The following SV2C variants were observed in gnomAD, a reference collection of about 807,000 sequenced individuals.
SV2C encodes the protein solute carrier family 22 member B3.
A neutral mutation model predicts 79.7 loss-of-function variants in SV2C; 49 were observed. That is an observed-to-expected ratio of 0.61 (90% CI 0.49 to 0.78). The LOEUF (loss-of-function observed/expected upper bound fraction) is 0.78. SV2C is among the 30% of genes least tolerant of loss of function. The pLI, the probability that SV2C is intolerant of heterozygous loss-of-function variation, is 0.00. For missense variants in SV2C, 833 were observed against 912.9 expected (o/e 0.91, Z 1.13); for synonymous variants, 334 against 333.2 (o/e 1.00, Z -0.03).
chr5:75,849,873 AGTATG>A, the SV2C span, among the ~76,000 whole-genome samples: 1 of 152,168 alleles, frequency 6.6e-6, no homozygotes, highest in Non-Finnish European at 1.5e-5. Context: ...TTTAGGACAT[AGTATG>A]CCTTTCCTCT....
intron 12 of SV2C, among the ~76,000 whole-genome samples, chr5:76,308,684 A>T (rs1748296757): frequency 6.6e-6 from 1 of 152,184 alleles, no homozygotes; most frequent in African/African-American, 2.4e-5. Context: ...TCTGAGATCT[A>T]TGGAGCAGAA....
At chr5:76,271,758 C>T (rs966200408) in intron 4 of SV2C, among the ~76,000 whole-genome samples, 18 of 151,898 alleles carry the variant, frequency 1.2e-4, no homozygotes, top group Admixed American at 5.9e-4. Flanking sequence ...TGAGCCATCG[C>T]GCCCGGCGTA....
chr5:76,280,284 GCA>G (rs907128050), intron 4 of SV2C, among the ~76,000 whole-genome samples: 3 of 151,848 alleles, frequency 2.0e-5, no homozygotes, highest in African/African-American at 7.3e-5. Flanking sequence ...ACACACATAT[GCA>G]CACACACACT....
intron 1 of SV2C, among the ~76,000 whole-genome samples, 160 bp from the exon 2 acceptor site, chr5:76,131,490 G>T (rs1748886645): frequency 6.7e-6 from 1 of 149,658 alleles, no homozygotes; most frequent in South Asian, 2.1e-4. Flanking sequence ...GCAGCCTAGG[G>T]TGTACATGTA....
chr5:76,027,410 T>G, the SV2C span, among the ~76,000 whole-genome samples: 1 of 152,086 alleles, frequency 6.6e-6, no homozygotes, highest in Non-Finnish European at 1.5e-5. Flanking sequence ...TTATTTTATA[T>G]CTTGTCCATT....
At chr5:75,974,268 C>T in the SV2C span, among the ~76,000 whole-genome samples, 4 of 151,984 alleles carry the variant, frequency 2.6e-5, no homozygotes. Context: ...ATGGAACCAT[C>T]GAATCTACCT....
intron 2 of SV2C, among the ~76,000 whole-genome samples, chr5:76,146,738 C>A (rs1010829351): frequency 8.1e-6 from 1 of 123,596 alleles, no homozygotes; most frequent in African/African-American, 3.1e-5. Context: ...ATGTCTCTGA[C>A]ATGGGGGCTA....
chr5:76,332,462 A>C lies in SV2C; in HGVS notation c.*6915A>C, dbSNP rs954176675. 3.3e-5 allele frequency: 5 copies of C among 152,212 alleles called. No homozygotes were observed. Among genetic ancestry groups the C allele is most frequent in the Admixed American group, 1.3e-4 (2 of 15,284 alleles). 9.4% of individuals were successfully genotyped at this position (152,212 alleles called of 1,614,324 possible). Reference sequence around the variant, plus strand: ...TCAGTTGAGAAACATAGCTATTACTAAAAAATTAAATAAGATTAGATAAAT... The same window carrying C: ...TCAGTTGAGAAACATAGCTATTACTCAAAAATTAAATAAGATTAGATAAAT... On this transcript the variant is annotated 3_prime_UTR_variant, in exon 13 of 13. Coordinates refer to ENST00000502798, the MANE Select transcript of SV2C (RefSeq NM_014979.4).
intron 4 of SV2C, among the ~76,000 whole-genome samples, chr5:76,260,132 A>C (rs1001381723): frequency 2.6e-5 from 4 of 152,162 alleles, no homozygotes; most frequent in Admixed American, 2.6e-4. Flanking sequence ...AATGATCGCC[A>C]TTCTAACTGG....
intron 12 of SV2C, among the ~76,000 whole-genome samples, chr5:76,324,949 G>C (rs144688822): frequency 0.027 from 4,075 of 152,238 alleles, 180 homozygotes; most frequent in African/African-American, 0.093. Flanking sequence ...CTTGAGCCCA[G>C]GAGTTTGAGG....
chr5:76,084,184 C>G (rs1013086891), intron 1 of SV2C: 6 of 152,372 alleles, frequency 3.9e-5, no homozygotes, highest in Non-Finnish European at 5.9e-5. Context: ...GCCTGCACTT[C>G]CTACGTTACA....
intron 4 of SV2C, chr5:76,280,943 C>G (rs1475754753): frequency 1.3e-5 from 7 of 533,194 alleles, no homozygotes; most frequent in Non-Finnish European, 2.7e-5. Context: ...AGGGTCTGAG[C>G]CTGCCAGGAT....
At chr5:76,264,829 A>G (rs527624946) in intron 4 of SV2C, among the ~76,000 whole-genome samples, 5 of 152,312 alleles carry the variant, frequency 3.3e-5, no homozygotes, top group Non-Finnish European at 7.3e-5. Context: ...AACGGGCACC[A>G]GCCTGATGCC....
intron 2 of SV2C, among the ~76,000 whole-genome samples, chr5:76,190,584 G>A (rs1744069510): frequency 6.6e-6 from 1 of 152,138 alleles, no homozygotes; most frequent in Non-Finnish European, 1.5e-5. Context: ...CTAAAATTGG[G>A]CAATGCAGAA....
In SV2C at chr5:76,130,145, TAAAAAAAAAAAAAAAAAAA is replaced by T. The variant is rs375351450; in HGVS notation, c.-101-1488_-101-1470del. 6.6e-4 allele frequency among the ~76,000 whole-genome samples: 45 copies of T among 67,836 alleles called. 1 individual carries two copies. The highest frequency in any genetic ancestry group is 3.7e-3 in the African/African-American group (42 of 11,446). 44.5% of individuals were successfully genotyped at this position (67,836 alleles called of 152,430 possible). ...CTCCCTTTCTCTTCCTCTCAGTTCTTAAAAAAAAAAAAAAAAAAAAAAAAAAAAAAAAAAAGAGCTGGGG... is the reference window on the plus strand; with the variant it reads ...CTCCCTTTCTCTTCCTCTCAGTTCTTAAAAAAAAAAAAAAAAGAGCTGGGG... On this transcript the variant is annotated intron_variant, in intron 1 of 12. Coordinates refer to ENST00000502798, the MANE Select transcript of SV2C (RefSeq NM_014979.4).
At chr5:76,082,698 G>A (rs1325256566), upstream of SV2C, among the ~76,000 whole-genome samples, 5 of 146,124 alleles carry the variant, frequency 3.4e-5, no homozygotes, top group African/African-American at 5.1e-5. Flanking sequence ...CTGCCTGTGA[G>A]CCCAGCTGTC....
At chr5:75,916,983 G>A in the SV2C span, among the ~76,000 whole-genome samples, 18,142 of 152,182 alleles carry the variant, frequency 0.12, 1,139 homozygotes, top group East Asian at 0.16. Context: ...CTGAGTTGTG[G>A]ATTCTCCACC....
intron 1 of SV2C, among the ~76,000 whole-genome samples, chr5:76,112,365 G>T (rs1748121431): frequency 6.6e-6 from 1 of 152,188 alleles, no homozygotes; most frequent in Non-Finnish European, 1.5e-5. Flanking sequence ...TCTATTCTCT[G>T]GGGGGAGATA....
At chr5:75,939,888 G>T in the SV2C span, among the ~76,000 whole-genome samples, 23 of 152,014 alleles carry the variant, frequency 1.5e-4, no homozygotes, top group African/African-American at 5.3e-4. Flanking sequence ...GGCTTCCTTT[G>T]TTGGTTAGTT....
Sources: gnomAD v4.1 joint callset for allele counts (sites outside exome capture counted in the v4.1 genomes callset) on GRCh38, gnomAD v4.1.1 for gene constraint, MANE v1.5 for transcripts, NCBI Gene and HGNC (gene_info 2026-07-23, HGNC 2026-07-21) for gene names.